The following CEP152 variants were observed in gnomAD, a reference collection of about 807,000 sequenced individuals.
The protein encoded by CEP152 is centrosomal protein of 152 kDa.
CEP152 carries 132 observed loss-of-function variants against 188.9 expected under a neutral mutation model. The ratio of observed to expected loss-of-function variants is 0.70; its 90% CI spans 0.61 to 0.81. The LOEUF (loss-of-function observed/expected upper bound fraction) is 0.81. Among genes scored for constraint, CEP152 ranks in the 30% least tolerant of loss-of-function variants. The pLI is 0.00. For synonymous variants in CEP152, 649 were observed against 666.6 expected (o/e 0.97, Z 0.41); for missense variants, 1,914 against 1,969.8 (o/e 0.97, Z 0.54).
chr15:48,753,151 T>G (rs531012992), intron 20 of CEP152, among the ~76,000 whole-genome samples: 44 of 152,192 alleles, frequency 2.9e-4, no homozygotes, highest in Admixed American at 1.8e-3. Context: ...TTTTGGTTTT[T>G]GTTTTGAGAT....
At chr15:48,750,230 T>C (rs942075307) in intron 21 of CEP152, among the ~76,000 whole-genome samples, 2 of 152,124 alleles carry the variant, frequency 1.3e-5, no homozygotes, top group African/African-American at 4.8e-5. Context: ...CGTAAATATA[T>C]AAGAACTGTT....
rs753672401 is a variant in CEP152 at position 48,797,364 on chromosome 15, C to T, written c.477G>A (p.Gln159=). 1.2e-6 allele frequency: 2 copies of T among 1,614,056 alleles called. No homozygotes were observed. The highest frequency in any genetic ancestry group is 1.1e-5 in the South Asian group (1 of 91,078). ...NFRPYTNGQK[Q]EFNNQATNVI... The stretch of plus-strand genomic sequence containing the variant: ...CATTGGTTGCTTGGTTATTAAATTC[C>T]TGCTTCTGACCATTGGTATATGGCC... Residue 159 remains glutamine, a synonymous_variant, in exon 5 of 27, where the codon CAG becomes CAA. Coordinates refer to ENST00000380950, the MANE Select transcript of CEP152 (RefSeq NM_001194998.2).
rs369771086 is a variant in CEP152, at chr15:48,755,925, T to C, written c.3323A>G (p.Asn1108Ser). 1.6e-5 allele frequency: 26 copies of C among 1,613,830 alleles called. No homozygotes were observed. The highest frequency in any genetic ancestry group is 2.0e-5 in the Non-Finnish European group (24 of 1,179,936). ...FQDTLPLLVE[N>S]ADPEWKKRNM... ...TACCTTTTTCCATTCTGGGTCAGCG[T>C]TTTCTACAAGCAGAGGAAGTGTATC... Residue 1108 changes from asparagine (N) to serine (S), a missense_variant, in exon 20 of 27, where the codon AAC becomes AGC. Transcript: ENST00000380950.
At chr15:48,754,217 C>G (rs1208299944) in intron 20 of CEP152, among the ~76,000 whole-genome samples, 1 of 152,048 alleles carries the variant, frequency 6.6e-6, no homozygotes, top group Non-Finnish European at 1.5e-5. Context: ...AAATTCTTAG[C>G]CAGATTATGT....
intron 9 of CEP152, among the ~76,000 whole-genome samples, chr15:48,786,419 G>A (rs1896638214): frequency 6.6e-6 from 1 of 152,030 alleles, no homozygotes; most frequent in Non-Finnish European, 1.5e-5. Context: ...TGTTGTGAGT[G>A]CATACAATCT....
At chr15:48,762,951 G>A (rs1447635349) in intron 17 of CEP152, among the ~76,000 whole-genome samples, 1 of 151,564 alleles carries the variant, frequency 6.6e-6, no homozygotes, top group Non-Finnish European at 1.5e-5. Context: ...CCAACCTTCT[G>A]GAATCTTTCC....
Position 48,762,401 on chromosome 15 carries a change from A to G in CEP152, c.2552T>C (p.Ile851Thr), listed in dbSNP as rs573841953. Reference sequence around the variant, plus strand: ...AAATCTGCCTTTTACCTGTTTGGTAATATTTTCACAATGTTTGAGTTCCAA... The same window carrying G: ...AAATCTGCCTTTTACCTGTTTGGTAGTATTTTCACAATGTTTGAGTTCCAA... ...IELELKHCEN[I>T]TKQVEIAVQN... The change falls in exon 18 of 27, where the codon ATT becomes ACT. Residue 851 changes from isoleucine (I) to threonine (T), a missense_variant. Transcript: ENST00000380950. 9.3e-6 allele frequency: 15 copies of G among 1,614,042 alleles called. No homozygotes were observed. In the South Asian group the frequency reaches 1.1e-4, roughly 12 times the overall value.
At chr15:48,762,726 C>A in intron 17 of CEP152, 54 bp from the exon 18 acceptor site, 1 of 1,575,144 alleles carries the variant, frequency 6.3e-7, no homozygotes, top group Non-Finnish European at 8.7e-7. Flanking sequence ...TAAGTAAAAA[C>A]TAGAATTAAA....
At chr15:48,780,479 C>T (rs1047762327) in intron 12 of CEP152, among the ~76,000 whole-genome samples, 28 of 152,146 alleles carry the variant, frequency 1.8e-4, no homozygotes, top group Non-Finnish European at 1.9e-4. Context: ...TGAAATACAA[C>T]ATGTATTAAA....
intron 18 of CEP152, 91 bp downstream of exon 18, chr15:48,762,300 G>C (rs1460027303): frequency 1.6e-6 from 2 of 1,220,968 alleles, no homozygotes; most frequent in East Asian, 4.7e-5. Context: ...AAAGTATAAA[G>C]TTATGAACGA....
At chr15:48,732,983 T>C (rs1410736208), downstream of CEP152, among the ~76,000 whole-genome samples, 1 of 151,700 alleles carries the variant, frequency 6.6e-6, no homozygotes, top group Non-Finnish European at 1.5e-5. Flanking sequence ...CCCAGCTACT[T>C]GGGAGGCTGA....
Position 48,768,959 on chromosome 15 carries a change from A to G in CEP152, c.1905T>C (p.Asn635=). The G allele has an allele frequency of 6.6e-7, 1 of 1,523,892 alleles. No homozygotes were observed. The allele number at this position is 1,523,892 out of a possible 1,614,324, so 94.4% of individuals were successfully genotyped here. ...KNEIQVLQQQ[N]QELKETEGKL... is the part of the protein sequence containing the mutation. ...TATAAAAAATATTTTTAATCACCTG[A>G]TTTTGTTGTTGTAAAACTTGAATTT... The change falls in exon 14 of 27, where the codon AAT becomes AAC. Residue 635 remains asparagine, a synonymous_variant. Coordinates refer to ENST00000380950, the MANE Select transcript of CEP152 (RefSeq NM_001194998.2).
chr15:48,766,533 C>T (rs920703902), intron 17 of CEP152, among the ~76,000 whole-genome samples: 2 of 152,104 alleles, frequency 1.3e-5, no homozygotes, highest in African/African-American at 4.8e-5. Flanking sequence ...TGAAGGAGGT[C>T]ATACGAAGAT....
intron 10 of CEP152, among the ~76,000 whole-genome samples, chr15:48,782,672 G>A (rs1028504825): frequency 8.5e-5 from 13 of 152,234 alleles, no homozygotes; most frequent in Admixed American, 5.9e-4. Flanking sequence ...ACCTCCACAT[G>A]TAAATGAAGT....
chr15:48,788,897 A>G lies in CEP152; in HGVS notation c.1077T>C (p.His359=), dbSNP rs1424331434. 1 of 1,614,080 alleles carries G rather than the reference A, an allele frequency of 6.2e-7. No individual in the cohort carries two copies. The highest frequency in any genetic ancestry group is 1.7e-5 in the Admixed American group (1 of 60,022). Residue 359 remains histidine, a synonymous_variant, in exon 9 of 27, where the codon CAT becomes CAC. Coordinates refer to ENST00000380950, the MANE Select transcript of CEP152 (RefSeq NM_001194998.2). ...SESLQRAREQ[H]ESIVMGLTKK... is the part of the protein sequence containing the mutation. ...TTGTGAGGCCCATAACAATGCTCTC[A>G]TGCTGTTCTCTAGCTCGTTGAAGTG...
At chr15:48,759,317 G>A (rs964074698) in intron 19 of CEP152, among the ~76,000 whole-genome samples, 1 of 152,000 alleles carries the variant, frequency 6.6e-6, no homozygotes, top group Non-Finnish European at 1.5e-5. Flanking sequence ...AGAATTTATT[G>A]TGATACACGT....
At chr15:48,740,732 C>T (rs931520306) in intron 26 of CEP152, 2 of 148,850 alleles carry the variant, frequency 1.3e-5, no homozygotes, top group Non-Finnish European at 2.9e-5. Flanking sequence ...TCAAGTGATC[C>T]TCCCATCTCA....
chr15:48,739,243 T>C lies in CEP152; in HGVS notation c.4139A>G (p.Lys1380Arg). The C allele has an allele frequency of 6.2e-7, 1 of 1,613,448 alleles. No homozygotes were observed. Among genetic ancestry groups the C allele is most frequent in the Non-Finnish European group, 8.5e-7 (1 of 1,179,860 alleles). Reference protein sequence around the residue: ...SEMLIAVKKSKRNDVNQKIPC... With the variant: ...SEMLIAVKKSRRNDVNQKIPC... ...TATTTTCTGATTCACATCATTTCTT[T>C]TTGATTTTTTAACTGCAATCAGCAT... The change falls in exon 27 of 27, where the codon AAA becomes AGA. Residue 1380 changes from lysine (K) to arginine (R), a missense_variant. Coordinates refer to ENST00000380950, the MANE Select transcript of CEP152 (RefSeq NM_001194998.2).
In CEP152 at chr15:48,756,737, A is replaced by G. The variant is rs181237037; in HGVS notation, c.2695-184T>C. Among the ~76,000 whole-genome samples, 17 of 152,322 alleles carry G rather than the reference A, an allele frequency of 1.1e-4. No homozygotes were observed. In the East Asian group the frequency reaches 2.9e-3, roughly 26 times the overall value. ...TACTTACACTAAAATTGGTCAAAAT[A>G]TATACATAAATATGTTTATATGTAT... On this transcript the variant is annotated intron_variant, in intron 19 of 26. Coordinates refer to ENST00000380950, the MANE Select transcript of CEP152 (RefSeq NM_001194998.2).
Sources: allele counts gnomAD v4.1 joint callset (sites outside exome capture counted in the v4.1 genomes callset), GRCh38; gene constraint gnomAD v4.1.1; transcripts MANE v1.5; gene names NCBI Gene and HGNC (gene_info 2026-07-23, HGNC 2026-07-21).